PDE4D: variants seen among roughly 807,000 people sequenced by gnomAD.
PDE4D encodes 3',5'-cyclic-AMP phosphodiesterase 4D.
Under a neutral mutation model 87.4 loss-of-function variants are expected in PDE4D, and 24 were observed. That is an observed-to-expected ratio of 0.27 (90% CI 0.20 to 0.39). The LOEUF is 0.39. PDE4D is among the 10% of genes least tolerant of loss of function. The pLI is 1.00. For missense variants in PDE4D, 714 were observed against 1,041.0 expected (o/e 0.69, Z 4.32); for synonymous variants, 384 against 383.2 (o/e 1.00, Z -0.02).
intron 1 of PDE4D, among the ~76,000 whole-genome samples, chr5:59,239,503 T>C (rs1757207989): frequency 6.6e-6 from 1 of 152,164 alleles, no homozygotes; most frequent in African/African-American, 2.4e-5. Context: ...ATAATCACAA[T>C]AGATAATAAC....
At chr5:60,309,109 C>T (rs773086076) in intron 1 of PDE4D, among the ~76,000 whole-genome samples, 4 of 151,862 alleles carry the variant, frequency 2.6e-5, no homozygotes, top group Admixed American at 2.6e-4. Context: ...GTTAATATTA[C>T]TTAAATATTG....
intron 1 of PDE4D, among the ~76,000 whole-genome samples, chr5:60,203,993 G>A (rs1238439730): frequency 1.3e-5 from 2 of 152,164 alleles, no homozygotes; most frequent in African/African-American, 4.8e-5. Flanking sequence ...CCTGAAGTGA[G>A]CATTAGTTTA....
chr5:60,325,502 A>G (rs1466704510), intron 1 of PDE4D, among the ~76,000 whole-genome samples: 1 of 152,224 alleles, frequency 6.6e-6, no homozygotes, highest in Non-Finnish European at 1.5e-5. Flanking sequence ...TCCTTTAATA[A>G]CAATCCATAA....
intron 1 of PDE4D, 73 bp downstream of exon 1, chr5:59,893,095 A>G (rs1157702372): frequency 7.0e-7 from 1 of 1,434,436 alleles, no homozygotes; most frequent in Non-Finnish European, 9.4e-7. Context: ...TGATAAGCCG[A>G]CTTAGATGGA....
intron 1 of PDE4D, among the ~76,000 whole-genome samples, chr5:59,711,371 A>G (rs1416378506): frequency 6.6e-6 from 1 of 152,160 alleles, no homozygotes; most frequent in African/African-American, 2.4e-5. Context: ...TTAAATAAAA[A>G]TTAACAATGT....
At chr5:59,156,941 GC>G (rs138468431) in intron 5 of PDE4D, 2,757 of 177,734 alleles carry the variant, frequency 0.016, 25 homozygotes, top group Non-Finnish European at 0.023. Context: ...TTTGATCTTT[GC>G]AGGAGATTAT....
At chr5:60,140,395 C>T (rs1184208925) in intron 2 of PDE4D, among the ~76,000 whole-genome samples, 1 of 151,874 alleles carries the variant, frequency 6.6e-6, no homozygotes, top group Non-Finnish European at 1.5e-5. Flanking sequence ...ATAGTCTCCT[C>T]ACTTAAGGGT....
intron 1 of PDE4D, among the ~76,000 whole-genome samples, chr5:59,834,772 A>G (rs1741754888): frequency 6.6e-6 from 1 of 152,098 alleles, no homozygotes. Flanking sequence ...CTTGTAATTA[A>G]TGAACAGCAT....
chr5:59,536,504 CAAAAAAAAAAA>C (rs10586960), intron 1 of PDE4D, among the ~76,000 whole-genome samples: 13 of 56,370 alleles, frequency 2.3e-4, no homozygotes, highest in African/African-American at 9.3e-4. Context: ...GACTCAGCCT[CAAAAAAAAAAA>C]AAAAAAAAAA....
intron 1 of PDE4D, among the ~76,000 whole-genome samples, chr5:59,221,756 T>C (rs531819872): frequency 5.1e-4 from 77 of 152,322 alleles, no homozygotes; most frequent in African/African-American, 1.8e-3. Context: ...CGGGTTTCTT[T>C]ATAGCATTTG....
chr5:60,050,226 C>T (rs145122533), intron 2 of PDE4D, among the ~76,000 whole-genome samples: 23 of 152,276 alleles, frequency 1.5e-4, no homozygotes, highest in Non-Finnish European at 2.4e-4. Context: ...CTTCGGCTCG[C>T]GCATGGTGCA....
At chr5:60,444,432 C>T (rs1488450378) in intron 1 of PDE4D, among the ~76,000 whole-genome samples, 2 of 152,028 alleles carry the variant, frequency 1.3e-5, no homozygotes, top group African/African-American at 2.4e-5. Context: ...AGTCCTTATT[C>T]CCAAAGATAT....
At chr5:59,253,928 G>A (rs572093618) in intron 1 of PDE4D, among the ~76,000 whole-genome samples, 11 of 152,040 alleles carry the variant, frequency 7.2e-5, no homozygotes, top group Non-Finnish European at 1.2e-4. Flanking sequence ...TAAGGCAAAC[G>A]AATTTTGATT....
chr5:60,376,237 A>G (rs574451609), intron 1 of PDE4D, among the ~76,000 whole-genome samples: 1 of 152,328 alleles, frequency 6.6e-6, no homozygotes, highest in South Asian at 2.1e-4. Flanking sequence ...TCTGAGCACT[A>G]AATGGTGATA....
intron 1 of PDE4D, among the ~76,000 whole-genome samples, chr5:60,232,192 AATAT>A (rs1745894242): frequency 6.6e-6 from 1 of 151,966 alleles, no homozygotes; most frequent in Admixed American, 6.6e-5. Context: ...AAGCAATTGC[AATAT>A]AAAGTTTAGT....
At chr5:60,492,843 T>C (rs1459413272), upstream of PDE4D, among the ~76,000 whole-genome samples, 1 of 151,934 alleles carries the variant, frequency 6.6e-6, no homozygotes, top group Non-Finnish European at 1.5e-5. Context: ...TATGCCTATG[T>C]AACAAATCTG....
At chr5:59,496,100 G>A (rs552094854) in intron 1 of PDE4D, among the ~76,000 whole-genome samples, 1 of 152,126 alleles carries the variant, frequency 6.6e-6, no homozygotes, top group Admixed American at 6.5e-5. Context: ...ATCAGCAGAT[G>A]GGGGAGCCAG....
intron 1 of PDE4D, among the ~76,000 whole-genome samples, chr5:59,533,013 A>G (rs1391325843): frequency 6.6e-6 from 1 of 152,230 alleles, no homozygotes; most frequent in Non-Finnish European, 1.5e-5. Flanking sequence ...CATGTTAGCA[A>G]GTACTGCAGT....
intron 1 of PDE4D, among the ~76,000 whole-genome samples, chr5:60,442,202 A>T (rs1408074444): frequency 1.3e-5 from 2 of 152,224 alleles, no homozygotes; most frequent in Non-Finnish European, 1.5e-5. Flanking sequence ...AATGCCCATC[A>T]ATGATAGACT....
Sources: gnomAD v4.1 joint callset for allele counts (sites outside exome capture counted in the v4.1 genomes callset) on GRCh38, gnomAD v4.1.1 for gene constraint, MANE v1.5 for transcripts, NCBI Gene and HGNC (gene_info 2026-07-23, HGNC 2026-07-21) for gene names.